The following MGA variants were observed in gnomAD, a reference collection of about 807,000 sequenced individuals.
MGA encodes MAX gene-associated protein.
In MGA, 40 loss-of-function variants were observed where a neutral mutation model predicts 261.1. The ratio of observed to expected loss-of-function variants is 0.15; its 90% CI spans 0.12 to 0.20. The LOEUF (loss-of-function observed/expected upper bound fraction) is 0.20, where lower values mean the gene tolerates loss of function less well. Ranked by LOEUF, MGA falls within the 10% of genes least tolerant of loss-of-function variation. The pLI, the probability that MGA is intolerant of heterozygous loss-of-function variation, is 1.00. For missense variants in MGA, 3,397 were observed against 3,630.5 expected (o/e 0.94, Z 1.65); for synonymous variants, 1,302 against 1,290.6 (o/e 1.01, Z -0.19).
intron 3 of MGA, among the ~76,000 whole-genome samples, chr15:41,698,280 T>G (rs2059650969): frequency 6.7e-6 from 1 of 148,444 alleles, no homozygotes; most frequent in Non-Finnish European, 1.5e-5. Context: ...GCAGTTCCCC[T>G]GCCTCAGCCT....
chr15:41,718,455 A>G, intron 9 of MGA: 1 of 913,512 alleles, frequency 1.1e-6, no homozygotes, highest in South Asian at 1.5e-5. Context: ...AATAGCTTTG[A>G]TTTTTCGTAC....
chr15:41,689,446 TAAAA>T (rs530240561), intron 2 of MGA, among the ~76,000 whole-genome samples: 1 of 151,760 alleles, frequency 6.6e-6, no homozygotes, highest in Non-Finnish European at 1.5e-5. Flanking sequence ...TCCTTAAAAA[TAAAA>T]AAAGTCAGTA....
At chr15:41,706,423 T>A (rs950009173) in intron 5 of MGA, among the ~76,000 whole-genome samples, 1 of 151,894 alleles carries the variant, frequency 6.6e-6, no homozygotes, top group African/African-American at 2.4e-5. Context: ...TGCCATCTTT[T>A]GTTCAGATAG....
intron 2 of MGA, chr15:41,691,691 A>G (rs748508478): frequency 1.2e-5 from 6 of 481,572 alleles, no homozygotes; most frequent in Non-Finnish European, 2.6e-5. Context: ...TTTGGTAGGT[A>G]TAGAACATTA....
chr15:41,767,052 C>G lies in MGA; in HGVS notation c.8970C>G (p.Ala2990=). 1.9e-6 allele frequency: 3 copies of G among 1,613,942 alleles called. No homozygotes were observed. The highest frequency in any genetic ancestry group is 1.3e-5 in the African/African-American group (1 of 75,018). The change falls in exon 24 of 24, where the codon GCC becomes GCG. Residue 2990 remains alanine, a synonymous_variant. Coordinates refer to ENST00000219905, the MANE Select transcript of MGA (RefSeq NM_001164273.2). ...TGTGGAGGCCTATGCCAAAGTTGGC[C>G]CCTCTAGGTTTAAAAGTAGCTAATC...
chr15:41,638,162 T>A (rs1020993928), intron 1 of MGA, among the ~76,000 whole-genome samples: 7 of 144,290 alleles, frequency 4.9e-5, no homozygotes, highest in African/African-American at 7.7e-5. Context: ...CTTGCCTCAG[T>A]CTCCTGAATA....
chr15:41,623,046 T>C (rs1401126055), intron 1 of MGA, among the ~76,000 whole-genome samples: 1 of 152,228 alleles, frequency 6.6e-6, no homozygotes, highest in Non-Finnish European at 1.5e-5. Flanking sequence ...CATTTAGTTC[T>C]CATAACAAAC....
intron 2 of MGA, among the ~76,000 whole-genome samples, chr15:41,688,075 G>A (rs1416509262): frequency 6.6e-6 from 1 of 152,036 alleles, no homozygotes; most frequent in African/African-American, 2.4e-5. Flanking sequence ...CTTTATCTCT[G>A]ATAAAACTAT....
At chr15:41,637,292 T>C (rs1402891899) in intron 1 of MGA, among the ~76,000 whole-genome samples, 3 of 152,212 alleles carry the variant, frequency 2.0e-5, no homozygotes, top group African/African-American at 4.8e-5. Flanking sequence ...CATATTGCCT[T>C]TGTCTTTGGT....
chr15:41,686,047 A>G (rs1566974914), intron 2 of MGA, among the ~76,000 whole-genome samples: 2 of 151,450 alleles, frequency 1.3e-5, no homozygotes, highest in African/African-American at 2.4e-5. Context: ...CAATTTTTTG[A>G]TAGTATATAG....
chr15:41,688,480 T>G (rs1258847401), intron 2 of MGA, among the ~76,000 whole-genome samples: 2 of 152,250 alleles, frequency 1.3e-5, no homozygotes, highest in African/African-American at 4.8e-5. Context: ...ACTTTAATTC[T>G]TCTTCCTTGA....
intron 5 of MGA, among the ~76,000 whole-genome samples, chr15:41,702,077 T>C (rs910733037): frequency 6.6e-6 from 1 of 152,082 alleles, no homozygotes; most frequent in African/African-American, 2.4e-5. Flanking sequence ...CCCAGCACTT[T>C]GAGAGGCCAA....
chr15:41,749,850 G>T lies in MGA; in HGVS notation c.6243G>T (p.Val2081=). The T allele has an allele frequency of 1.9e-6, 3 of 1,613,860 alleles. No individual in the cohort carries two copies. The highest frequency in any genetic ancestry group is 2.5e-6 in the Non-Finnish European group (3 of 1,179,878). ...ATCGTAAGAGTTCCAAAGAAAAAGT[G>T]GCTGTTCTGGAAGTTAGGACCATTT... The change falls in exon 17 of 24, where the codon GTG becomes GTT. Residue 2081 remains valine, a synonymous_variant. Transcript: ENST00000219905.
intron 13 of MGA, among the ~76,000 whole-genome samples, chr15:41,737,188 A>G (rs753076960): frequency 1.3e-5 from 2 of 152,142 alleles, no homozygotes; most frequent in African/African-American, 2.4e-5. Context: ...ATTTATTGCA[A>G]TCTTGGCTCA....
intron 9 of MGA, among the ~76,000 whole-genome samples, chr15:41,723,363 A>G (rs557579424): frequency 1.3e-5 from 2 of 152,210 alleles, no homozygotes; most frequent in South Asian, 4.2e-4. Context: ...CTTCAATTCT[A>G]CTAGTCTCTG....
intron 19 of MGA, among the ~76,000 whole-genome samples, chr15:41,758,383 G>A (rs2063262540): frequency 6.6e-6 from 1 of 151,962 alleles, no homozygotes; most frequent in African/African-American, 2.4e-5. Context: ...TAATTTAAAA[G>A]ATTAAAAAAA....
intron 1 of MGA, among the ~76,000 whole-genome samples, chr15:41,629,299 A>G (rs1405158778): frequency 1.3e-5 from 2 of 152,108 alleles, no homozygotes; most frequent in Non-Finnish European, 2.9e-5. Context: ...GATGATTACA[A>G]GGCTTTTAGC....
chr15:41,678,853 T>C (rs989562118), intron 2 of MGA, among the ~76,000 whole-genome samples: 1 of 152,140 alleles, frequency 6.6e-6, no homozygotes, highest in Non-Finnish European at 1.5e-5. Flanking sequence ...TGCCCACATA[T>C]GTGCAGATTG....
intron 1 of MGA, among the ~76,000 whole-genome samples, chr15:41,628,728 T>C (rs2056518953): frequency 1.3e-5 from 2 of 152,132 alleles, no homozygotes; most frequent in Admixed American, 6.5e-5. Flanking sequence ...GTGTAGAGCC[T>C]TGCAGGCCAT....
Sources: allele counts gnomAD v4.1 joint callset (sites outside exome capture counted in the v4.1 genomes callset), GRCh38; gene constraint gnomAD v4.1.1; transcripts MANE v1.5; gene names NCBI Gene and HGNC (gene_info 2026-07-23, HGNC 2026-07-21).